Variants in TMCO4 observed in about 807,000 individuals in gnomAD.
TMCO4 encodes transmembrane and coiled-coil domains 4, also known as transmembrane and coiled-coil domain-containing protein 4.
In TMCO4, 58 loss-of-function variants were observed where a neutral mutation model predicts 64.7. The observed-to-expected ratio is 0.90, with a 90% confidence interval of 0.73 to 1.12. The LOEUF (loss-of-function observed/expected upper bound fraction) is 1.12, where lower values mean the gene tolerates loss of function less well. TMCO4 is among the 50% of genes most tolerant of loss of function. The pLI is 0.00. For missense variants in TMCO4, 780 were observed against 825.9 expected, an observed-to-expected ratio of 0.94 and a Z score of 0.68; for synonymous variants, 325 against 346.1, an observed-to-expected ratio of 0.94 and a Z score of 0.68.
At chr1:19,782,426 G>A (rs1354162224) in intron 3 of TMCO4, among the ~76,000 whole-genome samples, 2 of 152,176 alleles carry the variant, frequency 1.3e-5, no homozygotes, top group Non-Finnish European at 2.9e-5. Context: ...GAGGTTTCTG[G>A]GTGAAGGAAA....
chr1:19,746,234 G>A (rs1382504868), intron 9 of TMCO4, among the ~76,000 whole-genome samples: 1 of 152,166 alleles, frequency 6.6e-6, no homozygotes, highest in Non-Finnish European at 1.5e-5. Context: ...CCTTTCTCAG[G>A]AACTACACAC....
In TMCO4 at chr1:19,757,158, GC is replaced by G. The variant is rs368817364; in HGVS notation, c.383-1393del. On this transcript the variant is annotated intron_variant, in intron 6 of 15. Transcript: ENST00000294543. ...ATACAAAAATTAGCCAGGCGTGGTG[GC>G]GGGGGGGGGCGCCTGTAATTTCCAG... Among the ~76,000 whole-genome samples the G allele has an allele frequency of 3.2e-3, 432 of 134,198 alleles. 3 individuals are homozygous for G. Among genetic ancestry groups the G allele is most frequent in the African/African-American group, 6.5e-3 (238 of 36,708 alleles). The allele number at this position is 134,198 out of a possible 152,430, so 88.0% of individuals were successfully genotyped here.
rs1458293232 is a variant in TMCO4 at position 19,732,183 on chromosome 1, C to A, written c.1264+5189G>T. On this transcript the variant is annotated intron_variant, in intron 13 of 15. Transcript: ENST00000294543. This position sits in a 1 kb window ranked among gnomAD's most constrained non-coding sequence, Gnocchi z 4.8. The stretch of plus-strand genomic sequence containing the variant: ...AAGCTATGGCTAACTAAGGGACAGA[C>A]CCCTCTCAGTGTGGCTTTTGCTCTG... Among the ~76,000 whole-genome samples the A allele has an allele frequency of 6.6e-6, 1 of 152,084 alleles. No homozygotes were observed. Among genetic ancestry groups the A allele is most frequent in the African/African-American group, 2.4e-5 (1 of 41,426 alleles).
intron 13 of TMCO4, among the ~76,000 whole-genome samples, chr1:19,712,289 A>G (rs898787608): frequency 1.3e-5 from 2 of 152,180 alleles, no homozygotes; most frequent in Admixed American, 1.3e-4. Flanking sequence ...CAATAGTAAC[A>G]TCAAACATCA....
intron 7 of TMCO4, among the ~76,000 whole-genome samples, chr1:19,749,909 C>A (rs1366594491): frequency 2.7e-5 from 4 of 149,918 alleles, no homozygotes; most frequent in Admixed American, 1.3e-4. Context: ...AAAACCTAGC[C>A]TATCCCCACA....
chr1:19,690,439 C>T (rs527572760), intron 15 of TMCO4, among the ~76,000 whole-genome samples: 37 of 152,358 alleles, frequency 2.4e-4, no homozygotes, highest in Admixed American at 1.0e-3. Context: ...TGCCCAGGTG[C>T]TGCCACTTTC....
At chr1:19,775,182 A>G (rs2043154508) in intron 4 of TMCO4, among the ~76,000 whole-genome samples, 1 of 152,146 alleles carries the variant, frequency 6.6e-6, no homozygotes, top group Non-Finnish European at 1.5e-5. Context: ...CTCCTGCCTC[A>G]GCCTCCCAAG....
In TMCO4 at chr1:19,683,758, C is replaced by CTTTTTTTT. The variant is rs531431284; in HGVS notation, c.1501-322_1501-315dup. On this transcript the variant is annotated intron_variant, in intron 15 of 15. Transcript: ENST00000294543. ...AGAAGCTCTCGTTCTTTGTCTGAAG[C>CTTTTTTTT]TTTTTTTTTTTTTTTTTTTTTTTTT... is the stretch of plus-strand genomic sequence containing the variant. Among the ~76,000 whole-genome samples the CTTTTTTTT allele has an allele frequency of 3.9e-4, 31 of 79,064 alleles. 4 individuals are homozygous for CTTTTTTTT. The highest frequency in any genetic ancestry group is 1.5e-3 in the African/African-American group (29 of 19,548). 51.9% of individuals were successfully genotyped at this position (79,064 alleles called of 152,430 possible).
chr1:19,686,034 C>T (rs934172458), intron 15 of TMCO4, among the ~76,000 whole-genome samples: 2 of 152,266 alleles, frequency 1.3e-5, no homozygotes, highest in Middle Eastern at 3.4e-3. Flanking sequence ...GCCATCCAGG[C>T]CTGTTTCTAA....
intron 7 of TMCO4, among the ~76,000 whole-genome samples, chr1:19,754,921 C>T (rs954408864): frequency 6.6e-6 from 1 of 152,026 alleles, no homozygotes; most frequent in African/African-American, 2.4e-5. Flanking sequence ...TCCTGTTTCA[C>T]AGATAAGAAC....
intron 4 of TMCO4, among the ~76,000 whole-genome samples, chr1:19,775,284 C>G (rs1457464922): frequency 6.6e-6 from 1 of 152,172 alleles, no homozygotes; most frequent in Non-Finnish European, 1.5e-5. Flanking sequence ...ACCATGTTGG[C>G]CAGGCTGGTC....
At chr1:19,712,328 T>C (rs1464118928) in intron 13 of TMCO4, among the ~76,000 whole-genome samples, 3 of 152,128 alleles carry the variant, frequency 2.0e-5, no homozygotes, top group East Asian at 1.9e-4. Context: ...ACAATAATAA[T>C]GAAAAGGCTT....
intron 13 of TMCO4, among the ~76,000 whole-genome samples, chr1:19,724,544 A>AG (rs769527458): frequency 1.1e-4 from 17 of 152,228 alleles, no homozygotes; most frequent in Non-Finnish European, 2.2e-4. Context: ...AAACAGGCAA[A>AG]GCCCTTAGCA....
chr1:19,754,180 G>C (rs765248994), intron 7 of TMCO4, among the ~76,000 whole-genome samples: 2 of 152,144 alleles, frequency 1.3e-5, no homozygotes, highest in Non-Finnish European at 2.9e-5. Flanking sequence ...TCCCTGACCT[G>C]GGGTTACCGG....
Position 19,740,940 on chromosome 1 carries a change from G to A in TMCO4, c.879C>T (p.Arg293=), listed in dbSNP as rs1187078622. Residue 293 remains arginine, a splice_region_variant and synonymous_variant, in exon 11 of 16, where the codon CGC becomes CGT. Coordinates refer to ENST00000294543, the MANE Select transcript of TMCO4 (RefSeq NM_181719.7). ...GGGCAGCCCACGGGGCACTGAAGGT[G>A]CCTGGGGAGATCACAGGTAGGTGAA... ...VTGWLASGKY[R]TFSAPWAALA... is the part of the protein sequence containing the mutation. 6 of 1,599,400 alleles carry A rather than the reference G, an allele frequency of 3.8e-6. No homozygotes were observed. Among genetic ancestry groups the A allele is most frequent in the Non-Finnish European group, 5.1e-6 (6 of 1,172,580 alleles).
chr1:19,761,821 G>A (rs2100976195), intron 6 of TMCO4, among the ~76,000 whole-genome samples: 1 of 152,332 alleles, frequency 6.6e-6, no homozygotes, highest in Non-Finnish European at 1.5e-5. Context: ...TTGCAAATGA[G>A]CTCCTCCCAG....
chr1:19,740,156 C>T (rs756443185), intron 11 of TMCO4, among the ~76,000 whole-genome samples, 196 bp from the exon 12 acceptor site: 20 of 152,198 alleles, frequency 1.3e-4, no homozygotes, highest in Non-Finnish European at 2.8e-4. Context: ...CCCTTCTGCT[C>T]AAGCCCTTGT....
chr1:19,713,612 T>A (rs1199400177), intron 13 of TMCO4, among the ~76,000 whole-genome samples: 1 of 152,086 alleles, frequency 6.6e-6, no homozygotes. Flanking sequence ...GGCAGGAGGA[T>A]GGCTTGAGCC....
At chr1:19,684,429 G>A (rs2095130733) in intron 15 of TMCO4, among the ~76,000 whole-genome samples, 1 of 152,090 alleles carries the variant, frequency 6.6e-6, no homozygotes, top group African/African-American at 2.4e-5. Flanking sequence ...CCCAGCTGAT[G>A]CCTGCAGCTC....
Sources: allele counts gnomAD v4.1 joint callset (sites outside exome capture counted in the v4.1 genomes callset), GRCh38; gene constraint gnomAD v4.1.1; non-coding constraint Gnocchi (gnomAD v3.1); transcripts MANE v1.5; gene names NCBI Gene and HGNC (gene_info 2026-07-23, HGNC 2026-07-21).